SMYD3: variants seen among roughly 807,000 people sequenced by gnomAD.
SMYD3 encodes SET and MYND domain containing 3.
In SMYD3, 36 loss-of-function variants were observed where a neutral mutation model predicts 57.7. The observed-to-expected ratio is 0.62, with a 90% CI of 0.48 to 0.82. The LOEUF is 0.82. Among genes scored for constraint, SMYD3 ranks in the 40% least tolerant of loss-of-function variants. SMYD3 has a pLI of 0.00. For synonymous variants in SMYD3, 211 were observed against 195.0 expected (o/e 1.08, Z -0.68); for missense variants, 515 against 538.8 (o/e 0.96, Z 0.44).
chr1:246,119,775 G>A (rs935590028), intron 5 of SMYD3, among the ~76,000 whole-genome samples: 7 of 152,084 alleles, frequency 4.6e-5, no homozygotes, highest in East Asian at 3.9e-4. Flanking sequence ...CTGCTGCCTC[G>A]CCAGTTTCAT....
At chr1:246,469,346 A>AT (rs1306258575) in intron 1 of SMYD3, among the ~76,000 whole-genome samples, 1 of 152,238 alleles carries the variant, frequency 6.6e-6, no homozygotes, top group Non-Finnish European at 1.5e-5. Flanking sequence ...CAGTCAAGGC[A>AT]TGGTGTTAAT....
chr1:246,113,692 G>A (rs2061292783), intron 5 of SMYD3: 2 of 152,180 alleles, frequency 1.3e-5, no homozygotes, highest in African/African-American at 4.8e-5. Flanking sequence ...CCCACAGACA[G>A]GGAGGTTCCT....
At chr1:246,205,860 G>C (rs1490028781) in intron 5 of SMYD3, among the ~76,000 whole-genome samples, 1 of 152,072 alleles carries the variant, frequency 6.6e-6, no homozygotes, top group Non-Finnish European at 1.5e-5. Flanking sequence ...AAACTTCCCA[G>C]TTCTGCTACA....
intron 5 of SMYD3, among the ~76,000 whole-genome samples, chr1:246,090,280 A>C (rs1184147978): frequency 6.6e-6 from 1 of 152,214 alleles, no homozygotes; most frequent in Admixed American, 6.5e-5. Context: ...GTCCTAACAG[A>C]GAAAGAAACC....
intron 10 of SMYD3, among the ~76,000 whole-genome samples, chr1:245,849,395 T>C (rs976692119): frequency 6.6e-6 from 1 of 152,106 alleles, no homozygotes; most frequent in Non-Finnish European, 1.5e-5. Context: ...GATAAAGGTT[T>C]GAAGACCTCC....
chr1:245,974,356 C>A (rs1322532449), intron 5 of SMYD3, among the ~76,000 whole-genome samples: 1 of 152,232 alleles, frequency 6.6e-6, no homozygotes, highest in Non-Finnish European at 1.5e-5. Flanking sequence ...CCCCATTTCT[C>A]CCCAATCCAT....
chr1:245,940,565 A>AAAAAT (rs150936211), intron 5 of SMYD3, among the ~76,000 whole-genome samples: 6 of 149,122 alleles, frequency 4.0e-5, no homozygotes, highest in Non-Finnish European at 8.9e-5. Context: ...TGACTGTTAA[A>AAAAAT]AAAACAAAAC....
intron 5 of SMYD3, among the ~76,000 whole-genome samples, chr1:246,077,531 A>C (rs1479564910): frequency 8.1e-6 from 1 of 124,098 alleles, no homozygotes; most frequent in African/African-American, 4.4e-5. Flanking sequence ...GAATAATTTA[A>C]AATTTAAAAA....
chr1:245,868,806 G>A (rs2052021001), intron 8 of SMYD3, among the ~76,000 whole-genome samples: 1 of 152,104 alleles, frequency 6.6e-6, no homozygotes, highest in Admixed American at 6.5e-5. Flanking sequence ...CACTGTGGCT[G>A]CTACTCACAA....
At chr1:246,075,031 T>A (rs1194471145) in intron 5 of SMYD3, among the ~76,000 whole-genome samples, 1 of 151,494 alleles carries the variant, frequency 6.6e-6, no homozygotes, top group East Asian at 1.9e-4. Flanking sequence ...ACTAGACATA[T>A]GAGGGAAGAG....
At chr1:246,482,561 T>C (rs2068125942) in intron 1 of SMYD3, among the ~76,000 whole-genome samples, 1 of 152,130 alleles carries the variant, frequency 6.6e-6, no homozygotes, top group African/African-American at 2.4e-5. Context: ...TTAGCAGTCA[T>C]GGTGGGCTCT....
chr1:245,795,931 CTA>C (rs2047503030), intron 10 of SMYD3, among the ~76,000 whole-genome samples: 1 of 152,196 alleles, frequency 6.6e-6, no homozygotes, highest in Non-Finnish European at 1.5e-5. Context: ...TCTGATCACT[CTA>C]TCTTAGTAAC....
At chr1:246,102,584 T>C (rs2061034293) in intron 5 of SMYD3, among the ~76,000 whole-genome samples, 1 of 152,014 alleles carries the variant, frequency 6.6e-6, no homozygotes, top group African/African-American at 2.4e-5. Context: ...GTCTCTCTTG[T>C]TTTCACCGGC....
At chr1:245,750,113 T>C (rs1237261540) in intron 11 of SMYD3, among the ~76,000 whole-genome samples, 2 of 152,194 alleles carry the variant, frequency 1.3e-5, no homozygotes, top group Non-Finnish European at 2.9e-5. Flanking sequence ...TATCATATTA[T>C]AGCACTGGCA....
At chr1:246,017,856 G>A (rs145786233) in intron 5 of SMYD3, among the ~76,000 whole-genome samples, 13 of 152,234 alleles carry the variant, frequency 8.5e-5, no homozygotes, top group African/African-American at 2.2e-4. Context: ...TATTACTACC[G>A]TTATTTTGAT....
intron 5 of SMYD3, among the ~76,000 whole-genome samples, chr1:246,157,550 T>C (rs77620137): frequency 9.8e-4 from 150 of 152,296 alleles, no homozygotes; most frequent in Middle Eastern, 3.4e-3. Context: ...AAAGGCCTAA[T>C]TCAATACTGG....
intron 5 of SMYD3, among the ~76,000 whole-genome samples, chr1:245,934,325 G>A (rs1266339519): frequency 6.6e-6 from 1 of 152,008 alleles, no homozygotes; most frequent in Admixed American, 6.6e-5. Flanking sequence ...TCTGCCCCCC[G>A]GCACCCCGAC....
intron 10 of SMYD3, among the ~76,000 whole-genome samples, chr1:245,831,202 A>C (rs543657310): frequency 3.3e-5 from 5 of 152,324 alleles, no homozygotes; most frequent in African/African-American, 1.2e-4. Context: ...ACTGAGACTA[A>C]TAAATTACTG....
intron 5 of SMYD3, among the ~76,000 whole-genome samples, chr1:245,962,175 C>A (rs556966276): frequency 1.3e-5 from 2 of 152,120 alleles, no homozygotes; most frequent in East Asian, 1.9e-4. Flanking sequence ...GGAGAAAAAA[C>A]CATTTAAAAA....
Sources: gnomAD v4.1 joint callset for allele counts (sites outside exome capture counted in the v4.1 genomes callset) on GRCh38, gnomAD v4.1.1 for gene constraint, MANE v1.5 for transcripts, NCBI Gene and HGNC (gene_info 2026-07-23, HGNC 2026-07-21) for gene names.